GPC6: variants seen among roughly 807,000 people sequenced by gnomAD.
GPC6 encodes glypican-6.
A neutral mutation model predicts 55.2 loss-of-function variants in GPC6; 14 were observed. The observed-to-expected ratio is 0.25, with a 90% confidence interval of 0.17 to 0.40. The LOEUF is 0.40. GPC6 is among the 10% of genes least tolerant of loss of function. GPC6 has a pLI of 1.00. For synonymous variants in GPC6, 278 were observed against 259.6 expected (o/e 1.07, Z -0.68); for missense variants, 641 against 708.5 (o/e 0.90, Z 1.08).
chr13:93,602,713 ACTT>A (rs1878069720), intron 2 of GPC6, among the ~76,000 whole-genome samples: 1 of 152,208 alleles, frequency 6.6e-6, no homozygotes, highest in African/African-American at 2.4e-5. Context: ...TACATGGCAT[ACTT>A]CTTTCATTAT....
intron 4 of GPC6, among the ~76,000 whole-genome samples, chr13:94,238,270 A>G (rs1202819941): frequency 6.6e-6 from 1 of 152,196 alleles, no homozygotes; most frequent in Non-Finnish European, 1.5e-5. Flanking sequence ...GGGAATCATT[A>G]GCATAAAGAC....
chr13:93,253,725 A>G lies in GPC6; in HGVS notation c.160+26109A>G, dbSNP rs561633510. ...ACATTCCTCTCTTCAATAGAAGATC[A>G]TGCCCTATGAACCTCCTGAGAAATG... On this transcript the variant is annotated intron_variant, in intron 1 of 8. Coordinates refer to ENST00000377047, the MANE Select transcript of GPC6 (RefSeq NM_005708.5). 3.3e-4 allele frequency among the ~76,000 whole-genome samples: 50 copies of G among 152,330 alleles called. 1 individual carries two copies. Among genetic ancestry groups the G allele is most frequent in the Middle Eastern group, 6.8e-3 (2 of 294 alleles).
chr13:93,707,431 T>A (rs1158712049), intron 2 of GPC6, among the ~76,000 whole-genome samples: 1 of 151,820 alleles, frequency 6.6e-6, no homozygotes, highest in Non-Finnish European at 1.5e-5. Context: ...TAGTAGCATA[T>A]TCCATTTGGT....
At chr13:93,765,488 T>A (rs949855178) in intron 2 of GPC6, among the ~76,000 whole-genome samples, 16 of 151,942 alleles carry the variant, frequency 1.1e-4, no homozygotes, top group Admixed American at 7.2e-4. Flanking sequence ...TATAAACTTT[T>A]TTAAAAAAAA....
At chr13:93,374,789 T>C (rs1874816373) in intron 1 of GPC6, among the ~76,000 whole-genome samples, 1 of 152,352 alleles carries the variant, frequency 6.6e-6, no homozygotes, top group East Asian at 1.9e-4. Context: ...ATGGATATGG[T>C]AATCATATTT....
intron 1 of GPC6, among the ~76,000 whole-genome samples, chr13:93,321,756 C>T (rs897615993): frequency 4.6e-5 from 7 of 152,120 alleles, no homozygotes; most frequent in African/African-American, 1.7e-4. Context: ...GGCACTGCCC[C>T]AAATGCTCCA....
At chr13:93,932,199 G>C (rs1345035501) in intron 3 of GPC6, among the ~76,000 whole-genome samples, 1 of 152,126 alleles carries the variant, frequency 6.6e-6, no homozygotes, top group Non-Finnish European at 1.5e-5. Context: ...TGATTGCAAG[G>C]CTAAATTTTG....
intron 1 of GPC6, among the ~76,000 whole-genome samples, chr13:93,360,982 C>T (rs1881022990): frequency 6.6e-6 from 1 of 152,082 alleles, no homozygotes; most frequent in Non-Finnish European, 1.5e-5. Flanking sequence ...TGATTCTGTC[C>T]TCTGGAATCT....
intron 1 of GPC6, among the ~76,000 whole-genome samples, chr13:93,468,683 G>C (rs1879001648): frequency 6.6e-6 from 1 of 152,026 alleles, no homozygotes; most frequent in Non-Finnish European, 1.5e-5. Context: ...ATAATATTCA[G>C]GCCAACAGAA....
At position 94,383,293 on chromosome 13, in the gene GPC6, AAGCGGGTAAAGT is replaced by A. The variant is rs779316675; in HGVS notation, c.1289+747_1289+758del. ...CCAAAGCCCTCAGCAATGGGGTTGC[AAGCGGGTAAAGT>A]AGCTGGTAAATTGGACTCAAGGGAT... On this transcript the variant is annotated intron_variant, in intron 7 of 8. Coordinates refer to ENST00000377047, the MANE Select transcript of GPC6 (RefSeq NM_005708.5). Among the ~76,000 whole-genome samples, 8 of 152,328 alleles carry A rather than the reference AAGCGGGTAAAGT, an allele frequency of 5.3e-5. No homozygotes were observed. In the South Asian group the frequency reaches 1.7e-3, roughly 32 times the overall value.
At chr13:93,532,737 T>G (rs1881916645) in intron 1 of GPC6, among the ~76,000 whole-genome samples, 1 of 152,100 alleles carries the variant, frequency 6.6e-6, no homozygotes, top group Non-Finnish European at 1.5e-5. Context: ...AACCAAATGG[T>G]AAGGGCCAGA....
At chr13:94,304,825 T>C (rs982424165) in intron 5 of GPC6, among the ~76,000 whole-genome samples, 2 of 152,230 alleles carry the variant, frequency 1.3e-5, no homozygotes, top group Admixed American at 6.5e-5. Flanking sequence ...AATTGTGACA[T>C]GAACAGCTGT....
At chr13:93,840,681 C>T (rs1887920089) in intron 3 of GPC6, among the ~76,000 whole-genome samples, 1 of 152,056 alleles carries the variant, frequency 6.6e-6, no homozygotes, top group African/African-American at 2.4e-5. Flanking sequence ...TCAGAAAACT[C>T]ATTATGATTG....
intron 1 of GPC6, among the ~76,000 whole-genome samples, chr13:93,365,772 A>G (rs1376677941): frequency 1.3e-5 from 2 of 152,084 alleles, no homozygotes; most frequent in East Asian, 1.9e-4. Flanking sequence ...ATCACTTTAC[A>G]TGGTAGACTC....
intron 4 of GPC6, among the ~76,000 whole-genome samples, chr13:94,146,420 C>A (rs535651026): frequency 9.2e-5 from 14 of 152,178 alleles, no homozygotes; most frequent in African/African-American, 2.9e-4. Context: ...GATAATTTAC[C>A]TTCAACAATT....
At chr13:93,853,688 G>A (rs1260713895) in intron 3 of GPC6, among the ~76,000 whole-genome samples, 3 of 151,640 alleles carry the variant, frequency 2.0e-5, no homozygotes, top group Non-Finnish European at 3.0e-5. Context: ...TCTTTATGAA[G>A]TAGTATAGTT....
intron 4 of GPC6, among the ~76,000 whole-genome samples, chr13:94,280,261 G>A (rs374429242): frequency 2.7e-4 from 41 of 152,082 alleles, no homozygotes; most frequent in African/African-American, 9.9e-4. Context: ...CTGGGCCAGA[G>A]ATAATTTTTA....
At chr13:93,760,568 A>C (rs548497814) in intron 2 of GPC6, among the ~76,000 whole-genome samples, 1 of 152,310 alleles carries the variant, frequency 6.6e-6, no homozygotes, top group African/African-American at 2.4e-5. Flanking sequence ...GGAAATGGCC[A>C]AGCCTTCTCC....
At chr13:93,782,300 A>C (rs1390761536) in intron 2 of GPC6, among the ~76,000 whole-genome samples, 1 of 152,102 alleles carries the variant, frequency 6.6e-6, no homozygotes, top group African/African-American at 2.4e-5. Context: ...TTCATTTTCT[A>C]TATATATCAC....
Sources: allele counts gnomAD v4.1 joint callset (sites outside exome capture counted in the v4.1 genomes callset), GRCh38; gene constraint gnomAD v4.1.1; transcripts MANE v1.5; gene names NCBI Gene and HGNC (gene_info 2026-07-23, HGNC 2026-07-21).